Variants in COL3A1 observed in about 807,000 individuals in gnomAD.
COL3A1 encodes the protein collagen type III alpha 1 chain, also known as collagen alpha-1(III) chain.
Under a neutral mutation model 200.9 loss-of-function variants are expected in COL3A1, and 46 were observed. The observed-to-expected ratio is 0.23, with a 90% CI of 0.18 to 0.29. The LOEUF (loss-of-function observed/expected upper bound fraction) is 0.29. COL3A1 is among the 10% of genes least tolerant of loss of function. COL3A1 has a pLI of 1.00. For synonymous variants in COL3A1, 650 were observed against 628.0 expected (o/e 1.03, Z -0.52); for missense variants, 1,367 against 1,917.6 (o/e 0.71, Z 5.36).
At chr2:188,978,626 GC>G (rs1401621491) in intron 1 of COL3A1, among the ~76,000 whole-genome samples, 1 of 151,834 alleles carries the variant, frequency 6.6e-6, no homozygotes, top group Non-Finnish European at 1.5e-5. Flanking sequence ...AGATGTTATT[GC>G]TTTTGCTGGA....
intron 1 of COL3A1, among the ~76,000 whole-genome samples, chr2:188,976,391 C>T (rs1299599491): frequency 1.3e-5 from 2 of 151,986 alleles, no homozygotes; most frequent in Non-Finnish European, 2.9e-5. Context: ...TAAAATTTTG[C>T]TGATATGTGT....
In COL3A1 at chr2:189,009,489, TAAC is replaced by T. The variant is rs1420724374; in HGVS notation, c.3823+270_3823+272del. Among the ~76,000 whole-genome samples, 19 of 4,452 alleles carry T rather than the reference TAAC, an allele frequency of 4.3e-3. No individual in the cohort carries two copies. The South Asian group carries it at 0.25, about 59-fold the overall frequency. The allele number at this position is 4,452 out of a possible 152,430, so 2.9% of individuals were successfully genotyped here. A position where few individuals can be genotyped will look rare whatever the true frequency, so the allele number is the denominator to read the frequency against. On this transcript the variant is annotated intron_variant, in intron 48 of 50. Transcript: ENST00000304636. ...AATTGTAAGTTATTTGAGTATAAAGTAACATATCTTTTTTTCTCAGGATTAAAT... is the reference window on the plus strand; with the variant it reads ...AATTGTAAGTTATTTGAGTATAAAGTATATCTTTTTTTCTCAGGATTAAAT...
intron 23 of COL3A1, 32 bp downstream of exon 23, chr2:188,996,210 G>A (rs865978908): frequency 6.3e-7 from 1 of 1,593,780 alleles, no homozygotes; most frequent in Non-Finnish European, 8.6e-7. Context: ...CATTTTAAAA[G>A]GCCAGTTAAA....
intron 37 of COL3A1, 114 bp downstream of exon 37, chr2:189,003,578 C>A (rs993784862): frequency 7.5e-7 from 1 of 1,326,580 alleles, no homozygotes; most frequent in Non-Finnish European, 1.1e-6. Flanking sequence ...TGTAATCGCT[C>A]ATTCATACAT....
intron 34 of COL3A1, 29 bp downstream of exon 34, chr2:189,001,618 T>G: frequency 6.3e-7 from 1 of 1,582,020 alleles, no homozygotes; most frequent in Non-Finnish European, 8.5e-7. Flanking sequence ...CTCAACATAC[T>G]TTTTAACCCC....
rs556273684 is a variant in COL3A1, at chr2:189,002,220, G to A, written c.2392-78G>A. The A allele has an allele frequency of 5.1e-5, 59 of 1,159,028 alleles. 2 individuals are homozygous for A. The South Asian group carries it at 6.9e-4, about 14-fold the overall frequency. 71.8% of individuals were successfully genotyped at this position (1,159,028 alleles called of 1,614,324 possible). Reference sequence around the variant, plus strand: ...CCTGCTTAAAGGAAAGAAAAGATAAGATGATAAGATGACATTTCCTGCCTA... The same window carrying A: ...CCTGCTTAAAGGAAAGAAAAGATAAAATGATAAGATGACATTTCCTGCCTA... On this transcript the variant is annotated intron_variant, in intron 34 of 50. Transcript: ENST00000304636.
At chr2:188,985,068 T>C in intron 2 of COL3A1, 106 bp downstream of exon 2, 1 of 1,396,060 alleles carries the variant, frequency 7.2e-7, no homozygotes, top group Non-Finnish European at 1.0e-6. Context: ...GTTCATCAAA[T>C]AGCCATGTTT....
chr2:188,990,147 C>T lies in COL3A1; in HGVS notation c.742C>T (p.Pro248Ser). The part of the protein sequence containing the change: ...RPGERGLPGP[P>S]GIKGPAGIPG... ...TGGAGAGCGAGGATTGCCTGGACCT[C>T]CAGTGAGTCTTCAGCATCTAATAAA... The change falls in exon 9 of 51, where the codon CCA (proline) becomes TCA (serine). Residue 248 changes from proline (P) to serine (S), a missense_variant and splice_region_variant. Physicochemically the swap from Pro to Ser is moderately conservative, Grantham distance 74. Coordinates refer to ENST00000304636, the MANE Select transcript of COL3A1 (RefSeq NM_000090.4). 1.2e-6 allele frequency: 2 copies of T among 1,613,518 alleles called. No individual in the cohort carries two copies. The highest frequency in any genetic ancestry group is 1.7e-6 in the Non-Finnish European group (2 of 1,179,632).
chr2:188,996,114 C>A lies in COL3A1; in HGVS notation c.1609-11C>A, dbSNP rs1474506962. 4 of 1,613,198 alleles carry A rather than the reference C, an allele frequency of 2.5e-6. No individual in the cohort carries two copies. In the Admixed American group the frequency reaches 6.7e-5, roughly 27 times the overall value. ...TTTTAAATCACCTAACAACTGACTT[C>A]TTTACTTCAGGGCATGCCCGGAAGT... On this transcript the variant is annotated splice_polypyrimidine_tract_variant and intron_variant, in intron 22 of 50. Coordinates refer to ENST00000304636, the MANE Select transcript of COL3A1 (RefSeq NM_000090.4).
intron 40 of COL3A1, 91 bp downstream of exon 40, chr2:189,004,455 C>A: frequency 8.4e-7 from 1 of 1,196,218 alleles, no homozygotes; most frequent in Non-Finnish European, 1.2e-6. Context: ...GTTTTTCTGT[C>A]ACTGGAGTAA....
At position 189,012,018 on chromosome 2, in the gene COL3A1, G is replaced by A; in HGVS notation, c.*244G>A. ...ATTCCAATTTCAAAATGTCTCAATG[G>A]TGCTATAATAAATAAACTTCAACAC... On this transcript the variant is annotated 3_prime_UTR_variant, in exon 51 of 51. Transcript: ENST00000304636. 2 of 519,550 alleles carry A rather than the reference G, an allele frequency of 3.8e-6. No homozygotes were observed. Among genetic ancestry groups the A allele is most frequent in the Non-Finnish European group, 6.9e-6 (2 of 289,768 alleles). 32.2% of individuals were successfully genotyped at this position (519,550 alleles called of 1,614,324 possible).
At position 189,010,203 on chromosome 2, in the gene COL3A1, A is replaced by G. The variant is rs1405406698; in HGVS notation, c.3849A>G (p.Gln1283=). Residue 1283 remains glutamine, a synonymous_variant, in exon 49 of 51, where the codon CAA becomes CAG. Transcript: ENST00000304636. The part of the protein sequence containing the change: ...KSGEYWVDPN[Q]GCKLDAIKVF... ...GAGAATACTGGGTTGACCCTAACCA[A>G]GGATGCAAATTGGATGCTATCAAGG... 6.2e-7 allele frequency: 1 copy of G among 1,614,188 alleles called. No homozygotes were observed. Among genetic ancestry groups the G allele is most frequent in the African/African-American group, 1.3e-5 (1 of 75,070 alleles).
At chr2:188,995,894 T>C (rs1466951544) in intron 22 of COL3A1, 104 bp downstream of exon 22, 4 of 1,103,680 alleles carry the variant, frequency 3.6e-6, no homozygotes, top group African/African-American at 3.2e-5. Flanking sequence ...GATTACATAT[T>C]TTGTAAGGCA....
At position 188,994,835 on chromosome 2, in the gene COL3A1, C is replaced by T. The variant is rs1422454033; in HGVS notation, c.1455+4C>T. The T allele has an allele frequency of 3.7e-6, 6 of 1,612,690 alleles. No individual in the cohort carries two copies. The highest frequency in any genetic ancestry group is 3.3e-5 in the South Asian group (3 of 91,024). ...TCCAGGAGCTGCAGGAGAAAGGGTA[C>T]GTTTTCCATGGGGCATCTAAAAGAA... On this transcript the variant is annotated splice_donor_region_variant and intron_variant, in intron 20 of 50. Coordinates refer to ENST00000304636, the MANE Select transcript of COL3A1 (RefSeq NM_000090.4). This position sits in a 1 kb window ranked among gnomAD's most constrained non-coding sequence, Gnocchi z 4.5.
intron 31 of COL3A1, 52 bp downstream of exon 31, chr2:188,999,629 T>A: frequency 2.6e-6 from 4 of 1,561,080 alleles, no homozygotes; most frequent in Non-Finnish European, 3.5e-6. Context: ...TTGTAGGTTT[T>A]AAAAAAAGCA....
Position 188,991,757 on chromosome 2 carries a change from C to T in COL3A1, c.951+35C>T. ...GCTGCTAACATCACACAATTACAAC[C>T]CAAAGTGACAGATTTTTACAGCCTC... On this transcript the variant is annotated intron_variant, in intron 13 of 50. Coordinates refer to ENST00000304636, the MANE Select transcript of COL3A1 (RefSeq NM_000090.4). 3 of 1,609,696 alleles carry T rather than the reference C, an allele frequency of 1.9e-6. No homozygotes were observed. In the South Asian group the frequency reaches 3.3e-5, roughly 18 times the overall value.
chr2:188,995,997 A>G (rs1325719607), intron 22 of COL3A1, 128 bp from the exon 23 acceptor site: 10 of 999,834 alleles, frequency 1.0e-5, no homozygotes, highest in African/African-American at 3.3e-5. Context: ...CTTTATAGAC[A>G]GGAAAAAAGA....
At chr2:189,006,856 A>G (rs1688595484) in intron 43 of COL3A1, 81 bp from the exon 44 acceptor site, 1 of 1,347,612 alleles carries the variant, frequency 7.4e-7, no homozygotes, top group Admixed American at 1.7e-5. Flanking sequence ...TAATGAAATT[A>G]TTTACTTTTG....
chr2:188,980,384 CTAAAAGATTAAT>C (rs1687925844), intron 1 of COL3A1, among the ~76,000 whole-genome samples: 1 of 25,360 alleles, frequency 3.9e-5, no homozygotes, highest in Non-Finnish European at 8.3e-5. Flanking sequence ...TTAGACAATT[CTAAAAGATTAAT>C]CTTTTAGACA....
Sources: allele counts gnomAD v4.1 joint callset (sites outside exome capture counted in the v4.1 genomes callset), GRCh38; gene constraint gnomAD v4.1.1; non-coding constraint Gnocchi (gnomAD v3.1); transcripts MANE v1.5; gene names NCBI Gene and HGNC (gene_info 2026-07-23, HGNC 2026-07-21).